The following DOCK1 variants were observed in gnomAD, a reference collection of about 807,000 sequenced individuals.
DOCK1 encodes dedicator of cytokinesis protein 1.
Under a neutral mutation model 262.7 loss-of-function variants are expected in DOCK1, and 138 were observed. The observed-to-expected ratio is 0.53, with a 90% CI of 0.46 to 0.61. The LOEUF is 0.61. Ranked by LOEUF, DOCK1 falls within the 20% of genes least tolerant of loss-of-function variation. The pLI, the probability that DOCK1 is intolerant of heterozygous loss-of-function variation, is 0.00. For missense variants in DOCK1, 1,908 were observed against 2,370.7 expected (o/e 0.80, Z 4.05); for synonymous variants, 866 against 867.4 (o/e 1.00, Z 0.03).
At chr10:127,056,534 T>C (rs1168790682) in intron 22 of DOCK1, among the ~76,000 whole-genome samples, 1 of 152,062 alleles carries the variant, frequency 6.6e-6, no homozygotes, top group East Asian at 1.9e-4. Context: ...CTTCTCTCCC[T>C]CCCTCTTTTC....
At chr10:127,003,779 C>T (rs561926859) in intron 10 of DOCK1, among the ~76,000 whole-genome samples, 22 of 152,206 alleles carry the variant, frequency 1.4e-4, no homozygotes, top group African/African-American at 5.3e-4. Context: ...CATGGTAAAA[C>T]CTCCTATCTA....
At chr10:127,260,893 GCTCATC>G in intron 29 of DOCK1, among the ~76,000 whole-genome samples, 1 of 130,426 alleles carries the variant, frequency 7.7e-6, no homozygotes, top group Non-Finnish European at 1.6e-5. Context: ...GTGTACCCGT[GCTCATC>G]TGTGTACCTG....
chr10:127,361,469 A>C (rs761251975), intron 32 of DOCK1, among the ~76,000 whole-genome samples: 1 of 152,228 alleles, frequency 6.6e-6, no homozygotes, highest in African/African-American at 2.4e-5. Context: ...GAAAAGGTAG[A>C]ATCACTGCTG....
chr10:127,150,379 C>CCTGTT (rs2052373621), intron 27 of DOCK1, among the ~76,000 whole-genome samples: 1 of 21,706 alleles, frequency 4.6e-5, no homozygotes, highest in South Asian at 0.017. Flanking sequence ...AGGGAAGTGA[C>CCTGTT]CCTGTGTATC....
chr10:127,393,959 T>G (rs1161099527), intron 38 of DOCK1, among the ~76,000 whole-genome samples: 1 of 152,076 alleles, frequency 6.6e-6, no homozygotes, highest in Admixed American at 6.5e-5. Flanking sequence ...CCAAAAGCCT[T>G]CTGTTTGGTT....
intron 10 of DOCK1, among the ~76,000 whole-genome samples, chr10:127,003,399 C>G (rs930423641): frequency 6.6e-6 from 1 of 152,206 alleles, no homozygotes; most frequent in African/African-American, 2.4e-5. Context: ...TCAGAGATAC[C>G]CATAGGCATT....
intron 32 of DOCK1, among the ~76,000 whole-genome samples, chr10:127,356,372 A>G (rs556223497): frequency 6.6e-6 from 1 of 152,282 alleles, no homozygotes; most frequent in South Asian, 2.1e-4. Context: ...GTTGGACTGA[A>G]TTTTTCAAGA....
At chr10:126,938,737 TC>T (rs1292281611) in intron 1 of DOCK1, among the ~76,000 whole-genome samples, 7,981 of 151,662 alleles carry the variant, frequency 0.053, 275 homozygotes, top group Middle Eastern at 0.12. Flanking sequence ...TGCTACATTC[TC>T]CAGAGGGGAT....
At chr10:127,201,851 G>A (rs2057476123) in intron 27 of DOCK1, among the ~76,000 whole-genome samples, 1 of 152,060 alleles carries the variant, frequency 6.6e-6, no homozygotes, top group Non-Finnish European at 1.5e-5. Flanking sequence ...TTTCTATAGG[G>A]TTTCTTACTA....
chr10:127,324,338 C>T (rs1220441941), intron 29 of DOCK1, among the ~76,000 whole-genome samples: 6 of 152,170 alleles, frequency 3.9e-5, no homozygotes, highest in Admixed American at 3.9e-4. Context: ...GTCAGGCATT[C>T]GTTAAAGAAT....
intron 23 of DOCK1, among the ~76,000 whole-genome samples, chr10:127,093,377 C>T (rs2047699927): frequency 6.6e-6 from 1 of 150,738 alleles, no homozygotes; most frequent in South Asian, 2.1e-4. Flanking sequence ...TCCCGAGTAG[C>T]TGGGACCACA....
At chr10:126,973,358 A>T (rs1345128009) in intron 2 of DOCK1, among the ~76,000 whole-genome samples, 3 of 151,942 alleles carry the variant, frequency 2.0e-5, no homozygotes, top group Non-Finnish European at 4.4e-5. Context: ...CATCCTGAGT[A>T]CCTGGGATTG....
chr10:126,946,659 A>C (rs1691438272), intron 1 of DOCK1, among the ~76,000 whole-genome samples: 1 of 152,220 alleles, frequency 6.6e-6, no homozygotes, highest in Non-Finnish European at 1.5e-5. Flanking sequence ...TAGGAACGGA[A>C]TTGCACAGTA....
intron 27 of DOCK1, among the ~76,000 whole-genome samples, chr10:127,179,983 C>T (rs746210440): frequency 5.9e-5 from 9 of 152,140 alleles, no homozygotes; most frequent in Non-Finnish European, 1.3e-4. Flanking sequence ...CCGAGGCACA[C>T]GATTTTGGGA....
At chr10:127,031,149 G>A (rs1007097911) in intron 16 of DOCK1, among the ~76,000 whole-genome samples, 2 of 152,176 alleles carry the variant, frequency 1.3e-5, no homozygotes, top group Non-Finnish European at 1.5e-5. Flanking sequence ...GTATTGACCC[G>A]CAGTTTCCTT....
At chr10:127,219,847 G>A (rs543623432) in intron 27 of DOCK1, among the ~76,000 whole-genome samples, 4 of 152,100 alleles carry the variant, frequency 2.6e-5, no homozygotes, top group African/African-American at 9.6e-5. Flanking sequence ...ATCCTGTTTG[G>A]TGACACCCAC....
At chr10:127,394,352 T>TAAAAAAAA (rs34284692) in intron 38 of DOCK1, among the ~76,000 whole-genome samples, 1 of 133,072 alleles carries the variant, frequency 7.5e-6, no homozygotes, top group Non-Finnish European at 1.6e-5. Flanking sequence ...TGCACCAATG[T>TAAAAAAAA]AAAAAAAAAA....
chr10:127,398,225 G>A (rs953578668), intron 38 of DOCK1, among the ~76,000 whole-genome samples: 13 of 152,190 alleles, frequency 8.5e-5, no homozygotes, highest in Admixed American at 2.6e-4. Context: ...AGTCAGTGCC[G>A]GTTGAGCACT....
chr10:126,975,637 T>C (rs965301748), intron 2 of DOCK1, among the ~76,000 whole-genome samples: 1 of 151,866 alleles, frequency 6.6e-6, no homozygotes, highest in East Asian at 1.9e-4. Context: ...TCTTTTTTTT[T>C]TTTTTGAGAT....
Sources: gnomAD v4.1 joint callset for allele counts (sites outside exome capture counted in the v4.1 genomes callset) on GRCh38, gnomAD v4.1.1 for gene constraint, MANE v1.5 for transcripts, NCBI Gene and HGNC (gene_info 2026-07-23, HGNC 2026-07-21) for gene names.